The following VASN variants were observed in gnomAD, a reference collection of about 807,000 sequenced individuals.
VASN encodes vasorin.
A neutral mutation model predicts 4.8 loss-of-function variants in VASN; 5 were observed. That is an observed-to-expected ratio of 1.03 (90% CI 0.54 to 2.17). The LOEUF is 2.17. Among genes scored for constraint, VASN ranks in the 30% most tolerant of loss-of-function variants. VASN has a pLI of 0.01. For synonymous variants in VASN, 499 were observed against 460.8 expected, an observed-to-expected ratio of 1.08 and a Z score of -1.06; for missense variants, 927 against 948.8, an observed-to-expected ratio of 0.98 and a Z score of 0.30.
rs149523662 is a variant in VASN at position 4,373,801 on chromosome 16, C to T, written c.-10+1808C>T. ...GGGCCCTGCTGAGCCCAGGAGGGAG[C>T]TCCCACCTCAGCAGGCCAGACAGCC... is the stretch of plus-strand genomic sequence containing the variant. On this transcript the variant is annotated intron_variant, in intron 1 of 1. Transcript: ENST00000304735. 3.3e-5 allele frequency among the ~76,000 whole-genome samples: 5 copies of T among 152,236 alleles called. No homozygotes were observed. The East Asian group carries it at 9.7e-4, about 29-fold the overall frequency.
rs1292335236 is a variant in VASN at position 4,381,761 on chromosome 16, C to T, written c.884C>T (p.Ala295Val). Reference sequence around the variant, plus strand: ...TTCCCCCGCCTGCGGCTGCTGGCAGCTGCCCGCAACCCCTTCAACTGCGTG... The same window carrying T: ...TTCCCCCGCCTGCGGCTGCTGGCAGTTGCCCGCAACCCCTTCAACTGCGTG... ...GLFPRLRLLA[A>V]ARNPFNCVCP... The change falls in exon 2 of 2, where the codon GCT becomes GTT. Residue 295 changes from alanine to valine, a missense_variant. By Grantham distance (64) the Ala-to-Val change is moderately conservative. Coordinates refer to ENST00000304735, the MANE Select transcript of VASN (RefSeq NM_138440.3). 1.9e-6 allele frequency: 3 copies of T among 1,602,182 alleles called. No individual in the cohort carries two copies. Among genetic ancestry groups the T allele is most frequent in the Non-Finnish European group, 2.5e-6 (3 of 1,179,288 alleles).
rs1474622488 is a variant in VASN, at chr16:4,382,488, T to C, written c.1611T>C (p.Pro537=). 1.9e-6 allele frequency: 3 copies of C among 1,600,594 alleles called. No homozygotes were observed. The highest frequency in any genetic ancestry group is 1.7e-5 in the Admixed American group (1 of 58,894). ...PNATYSVCVM[P]LGPGRVPEGE... ...CCACTTACTCCGTCTGTGTCATGCC[T>C]TTGGGGCCCGGGCGGGTGCCGGAGG... Residue 537 remains proline (P), a synonymous_variant, in exon 2 of 2, where the codon CCT becomes CCC. Coordinates refer to ENST00000304735, the MANE Select transcript of VASN (RefSeq NM_138440.3).
At chr16:4,380,554 C>A (rs2054920642) in intron 1 of VASN, among the ~76,000 whole-genome samples, 1 of 152,206 alleles carries the variant, frequency 6.6e-6, no homozygotes, top group African/African-American at 2.4e-5. Context: ...ATCTCTGAGG[C>A]AGGGGATGGG....
chr16:4,379,156 G>T (rs749191799), intron 1 of VASN, among the ~76,000 whole-genome samples: 3 of 152,126 alleles, frequency 2.0e-5, no homozygotes, highest in Non-Finnish European at 2.9e-5. Context: ...CTGGGTCGGG[G>T]TCGTGTTCCC....
Position 4,379,711 on chromosome 16 carries a change from C to T in VASN, c.-9-1158C>T, listed in dbSNP as rs532601749. On this transcript the variant is annotated intron_variant, in intron 1 of 1. Transcript: ENST00000304735. ...CACTGCCAAGGGGATGGCTGCTGCT[C>T]ATCTTTCTTGGTGCCCAGCTCAGGG... is the stretch of plus-strand genomic sequence containing the variant. 5.9e-5 allele frequency among the ~76,000 whole-genome samples: 9 copies of T among 152,098 alleles called. No homozygotes were observed. The South Asian group carries it at 8.3e-4, about 14-fold the overall frequency.
In VASN at chr16:4,378,527, G is replaced by A. The variant is rs907974949; in HGVS notation, c.-9-2342G>A. Among the ~76,000 whole-genome samples the A allele has an allele frequency of 7.2e-5, 11 of 152,286 alleles. No individual in the cohort carries two copies. In the East Asian group the frequency reaches 1.5e-3, roughly 21 times the overall value. On this transcript the variant is annotated intron_variant, in intron 1 of 1. Transcript: ENST00000304735. ...CACATCTGGAGGCCAGGCCGCACCC[G>A]CCGTCCTCTGAGTCAGTGAGGGTGG...
Position 4,383,152 on chromosome 16 carries a change from CA to C in VASN, c.*255del, listed in dbSNP as rs1177718065. 17 of 475,946 alleles carry C rather than the reference CA, an allele frequency of 3.6e-5. 1 individual carries two copies. The East Asian group carries it at 5.2e-4, about 14-fold the overall frequency. 29.5% of individuals were successfully genotyped at this position (475,946 alleles called of 1,614,324 possible). On this transcript the variant is annotated 3_prime_UTR_variant, in exon 2 of 2. Coordinates refer to ENST00000304735, the MANE Select transcript of VASN (RefSeq NM_138440.3). Reference sequence around the variant, plus strand: ...AGGACAGTGTCCGCCCTGCCCTCCGCAACGTGCAGTCCCTGGGCACGGCGGG... The same window carrying C: ...AGGACAGTGTCCGCCCTGCCCTCCGCACGTGCAGTCCCTGGGCACGGCGGG...
Position 4,382,279 on chromosome 16 carries a change from A to C in VASN, c.1402A>C (p.Ile468Leu). Residue 468 changes from isoleucine to leucine, a missense_variant, in exon 2 of 2, where the codon ATC (isoleucine) becomes CTC (leucine). Coordinates refer to ENST00000304735, the MANE Select transcript of VASN (RefSeq NM_138440.3). ...GCCACCACGGTCCCTGACCCTGGGC[A>C]TCGAGCCGGTGAGCCCCACCTCCCT... ...PRPPRSLTLGIEPVSPTSLRV... is the reference protein window; with the variant it reads ...PRPPRSLTLGLEPVSPTSLRV... 1 of 1,609,092 alleles carries C rather than the reference A, an allele frequency of 6.2e-7. No homozygotes were observed. Among genetic ancestry groups the C allele is most frequent in the Non-Finnish European group, 8.5e-7 (1 of 1,178,620 alleles).
intron 1 of VASN, among the ~76,000 whole-genome samples, chr16:4,375,833 GT>G (rs542222501): frequency 6.6e-6 from 1 of 152,052 alleles, no homozygotes; most frequent in African/African-American, 2.4e-5. Context: ...CAGCATGGAG[GT>G]TTTTTTTAGA....
chr16:4,379,879 C>CT (rs2054886816), intron 1 of VASN, among the ~76,000 whole-genome samples: 1 of 66,734 alleles, frequency 1.5e-5, no homozygotes, highest in Non-Finnish European at 3.8e-5. Flanking sequence ...CCTGTCTCTA[C>CT]TAAAAAAAAA....
At position 4,382,478 on chromosome 16, in the gene VASN, G is replaced by A. The variant is rs777775312; in HGVS notation, c.1601G>A (p.Cys534Tyr). The stretch of plus-strand genomic sequence containing the variant: ...CGGCCCAACGCCACTTACTCCGTCT[G>A]TGTCATGCCTTTGGGGCCCGGGCGG... ...QLRPNATYSVCVMPLGPGRVP... is the reference protein window; with the variant it reads ...QLRPNATYSVYVMPLGPGRVP... The change falls in exon 2 of 2, where the codon TGT becomes TAT. Residue 534 changes from cysteine (C) to tyrosine (Y), a missense_variant. Physicochemically the swap from Cys to Tyr is radical, Grantham distance 194. Transcript: ENST00000304735. The A allele has an allele frequency of 1.2e-6, 2 of 1,604,296 alleles. No homozygotes were observed. Among genetic ancestry groups the A allele is most frequent in the South Asian group, 1.1e-5 (1 of 89,948 alleles).
intron 1 of VASN, among the ~76,000 whole-genome samples, chr16:4,376,686 C>T (rs1426955114): frequency 6.6e-6 from 1 of 152,112 alleles, no homozygotes; most frequent in Non-Finnish European, 1.5e-5. Context: ...GGGCGTCCCC[C>T]TGGGAGTTGA....
chr16:4,375,152 G>A (rs2054674541), intron 1 of VASN, among the ~76,000 whole-genome samples: 2 of 152,238 alleles, frequency 1.3e-5, no homozygotes, highest in Admixed American at 6.5e-5. Context: ...CACTTGAGCT[G>A]GGGCCTGGCC....
chr16:4,380,888 G>A lies in VASN; in HGVS notation c.11G>A (p.Arg4Lys). Reference protein sequence around the residue: MCSRVPLLLPLLLL... With the variant: MCSKVPLLLPLLLL... ...TCCCAGGGACAGAAGATGTGCTCCA[G>A]GGTCCCTCTGCTGCTGCCGCTGCTC... The change falls in exon 2 of 2, where the codon AGG (arginine) becomes AAG (lysine). Residue 4 changes from arginine to lysine, a missense_variant. Coordinates refer to ENST00000304735, the MANE Select transcript of VASN (RefSeq NM_138440.3). 1.3e-6 allele frequency: 2 copies of A among 1,535,550 alleles called. No individual in the cohort carries two copies.
rs2054969913 is a variant in VASN, at chr16:4,381,632, T to C, written c.755T>C (p.Ile252Thr). 4 of 1,600,176 alleles carry C rather than the reference T, an allele frequency of 2.5e-6. No homozygotes were observed. Among genetic ancestry groups the C allele is most frequent in the Non-Finnish European group, 3.4e-6 (4 of 1,174,098 alleles). The change falls in exon 2 of 2, where the codon ATT (isoleucine) becomes ACT (threonine). Residue 252 changes from isoleucine (I) to threonine (T), a missense_variant. Transcript: ENST00000304735. ...CTGCGGCTGGCCGGCAACACCCGCA[T>C]TGCCCAGCTGCGGCCCGAGGACCTG... The part of the protein sequence containing the change: ...TRLRLAGNTR[I>T]AQLRPEDLAG...
Position 4,381,917 on chromosome 16 carries a change from T to C in VASN, c.1040T>C (p.Phe347Ser). The C allele has an allele frequency of 1.2e-6, 2 of 1,606,762 alleles. No homozygotes were observed. The highest frequency in any genetic ancestry group is 1.7e-4 in the Middle Eastern group (1 of 6,052). ...RLLLELDYAD[F>S]GCPATTTTAT... ...CTCCTGGAGCTTGACTACGCCGACT[T>C]TGGCTGCCCAGCCACCACCACCACA... The change falls in exon 2 of 2, where the codon TTT becomes TCT. Residue 347 changes from phenylalanine (F) to serine (S), a missense_variant. Phe to Ser is a radical substitution (Grantham distance 155). Coordinates refer to ENST00000304735, the MANE Select transcript of VASN (RefSeq NM_138440.3).
rs1199256103 is a variant in VASN, at chr16:4,381,564, G to A, written c.687G>A (p.Glu229=). The part of the protein sequence containing the change: ...HDLDVSDNQL[E]RVPPVIRGLR... ...TGGATGTGTCCGACAACCAGCTGGA[G>A]CGAGTGCCACCTGTGATCCGAGGCC... The change falls in exon 2 of 2, where the codon GAG becomes GAA. Residue 229 remains glutamate (E), a synonymous_variant. Transcript: ENST00000304735. The A allele has an allele frequency of 1.0e-5, 16 of 1,605,356 alleles. No individual in the cohort carries two copies. Among genetic ancestry groups the A allele is most frequent in the East Asian group, 9.0e-5 (4 of 44,472 alleles).
intron 1 of VASN, among the ~76,000 whole-genome samples, chr16:4,379,000 AC>A (rs1287787709): frequency 6.6e-6 from 1 of 151,986 alleles, no homozygotes; most frequent in Non-Finnish European, 1.5e-5. Context: ...ACCTCGAGCT[AC>A]CCGCAGACCC....
Position 4,382,658 on chromosome 16 carries a change from G to T in VASN, c.1781G>T (p.Gly594Val), listed in dbSNP as rs1164333610. The stretch of plus-strand genomic sequence containing the variant: ...CTCCTGGCCGCGCTGGCTGCGGTGG[G>T]GGCAGCCTACTGTGTGCGGCGGGGG... ...AVLLAALAAV[G>V]AAYCVRRGRA... Residue 594 changes from glycine to valine, a missense_variant, in exon 2 of 2, where the codon GGG becomes GTG. Physicochemically the swap from Gly to Val is moderately radical, Grantham distance 109. Transcript: ENST00000304735. 8 of 1,553,104 alleles carry T rather than the reference G, an allele frequency of 5.2e-6. No homozygotes were observed. Among genetic ancestry groups the T allele is most frequent in the Admixed American group, 1.9e-5 (1 of 52,336 alleles).
Sources: allele counts gnomAD v4.1 joint callset (sites outside exome capture counted in the v4.1 genomes callset), GRCh38; gene constraint gnomAD v4.1.1; transcripts MANE v1.5; gene names NCBI Gene and HGNC (gene_info 2026-07-23, HGNC 2026-07-21).